RAB3GAP2: variants seen among roughly 807,000 people sequenced by gnomAD.
RAB3GAP2 encodes RAB3 GTPase activating non-catalytic protein subunit 2, also known as rab3 GTPase-activating protein non-catalytic subunit.
RAB3GAP2 carries 87 observed loss-of-function variants against 185.3 expected under a neutral mutation model. That is an observed-to-expected ratio of 0.47 (90% CI 0.39 to 0.56). The LOEUF is 0.56. Among genes scored for constraint, RAB3GAP2 ranks in the 20% least tolerant of loss-of-function variants. RAB3GAP2 has a pLI of 0.00. For synonymous variants in RAB3GAP2, 554 were observed against 576.1 expected, an observed-to-expected ratio of 0.96 and a Z score of 0.55; for missense variants, 1,492 against 1,638.2, an observed-to-expected ratio of 0.91 and a Z score of 1.54.
chr1:220,205,342 TTC>T (rs1658943816), intron 8 of RAB3GAP2, among the ~76,000 whole-genome samples: 1 of 152,190 alleles, frequency 6.6e-6, no homozygotes, highest in Non-Finnish European at 1.5e-5. Context: ...CTTTTCTCCA[TTC>T]TGAGTGTTCT....
intron 1 of RAB3GAP2, among the ~76,000 whole-genome samples, chr1:220,258,225 C>A (rs1388845265): frequency 6.6e-6 from 1 of 151,938 alleles, no homozygotes; most frequent in East Asian, 1.9e-4. Context: ...GGGACTCCTC[C>A]CTCATTCTAT....
intron 1 of RAB3GAP2, among the ~76,000 whole-genome samples, chr1:220,264,496 G>A (rs1477507392): frequency 6.6e-6 from 1 of 151,962 alleles, no homozygotes; most frequent in Non-Finnish European, 1.5e-5. Flanking sequence ...ACTTTCACAG[G>A]TACATGTGGA....
In RAB3GAP2 at chr1:220,210,974, G is replaced by A. The variant is rs1156460753; in HGVS notation, c.415C>T (p.Pro139Ser). The A allele has an allele frequency of 6.2e-7, 1 of 1,613,674 alleles. No individual in the cohort carries two copies. Among genetic ancestry groups the A allele is most frequent in the East Asian group, 2.2e-5 (1 of 44,862 alleles). The change falls in exon 5 of 35, where the codon CCA becomes TCA. Residue 139 changes from proline (P) to serine (S), a missense_variant. Physicochemically the swap from Pro to Ser is moderately conservative, Grantham distance 74. Transcript: ENST00000358951. The part of the protein sequence containing the change: ...GECVTSALCI[P>S]LASQKRSSTG... ...CCTTACCTCTTTTGGCTTGCTAGTG[G>A]GATACATAGAGCACTGGTTACACAT... is the stretch of plus-strand genomic sequence containing the variant.
intron 4 of RAB3GAP2, chr1:220,211,291 A>G (rs1180307827): frequency 3.6e-6 from 2 of 560,178 alleles, no homozygotes; most frequent in Non-Finnish European, 6.8e-6. Context: ...TACTTACACA[A>G]CTGACTGTAT....
intron 4 of RAB3GAP2, among the ~76,000 whole-genome samples, chr1:220,211,981 A>G (rs548006909): frequency 6.6e-6 from 1 of 152,318 alleles, no homozygotes; most frequent in Admixed American, 6.5e-5. Flanking sequence ...TTTTATCTGA[A>G]TTCAAAGTAT....
At chr1:220,174,331 C>T (rs1658246895) in intron 21 of RAB3GAP2, among the ~76,000 whole-genome samples, 1 of 152,094 alleles carries the variant, frequency 6.6e-6, no homozygotes, top group South Asian at 2.1e-4. Context: ...AATTTCCCTT[C>T]CAAGGGCCTC....
Position 220,171,111 on chromosome 1 carries a change from T to C in RAB3GAP2, c.2587A>G (p.Thr863Ala), listed in dbSNP as rs12045447. 59,143 of 1,613,656 alleles carry C rather than the reference T, an allele frequency of 0.037. 1,366 individuals carry two copies. Among genetic ancestry groups the C allele is most frequent in the African/African-American group, 0.082 (6,124 of 74,978 alleles). The change falls in exon 24 of 35, where the codon ACA becomes GCA. Residue 863 changes from threonine to alanine, a missense_variant. Physicochemically the swap from Thr to Ala is moderately conservative, Grantham distance 58 (BLOSUM62 0). Transcript: ENST00000358951. ...GCCTCTGAATCAGCACCCAAAACTG[T>C]TTGGGAAAACTAATAAAAAATGCAC... Reference protein sequence around the residue: ...NNMTEKKFSQTVLGADSEALT... With the variant: ...NNMTEKKFSQAVLGADSEALT...
chr1:220,164,510 C>G (rs1036391977), intron 27 of RAB3GAP2, among the ~76,000 whole-genome samples: 1 of 126,284 alleles, frequency 7.9e-6, no homozygotes. Flanking sequence ...GGGTCTCACT[C>G]TGTCACCCAG....
Position 220,148,506 on chromosome 1 carries a change from T to A in RAB3GAP2, c.*2745A>T, listed in dbSNP as rs1275256794. Reference sequence around the variant, plus strand: ...TCTAGACACCCAGCAAACCCATTCCTATCAGGGTGAGAGAGGGCTTTTGCT... The same window carrying A: ...TCTAGACACCCAGCAAACCCATTCCAATCAGGGTGAGAGAGGGCTTTTGCT... On this transcript the variant is annotated 3_prime_UTR_variant, in exon 35 of 35. Transcript: ENST00000358951. 6.6e-6 allele frequency: 1 copy of A among 152,214 alleles called. No homozygotes were observed. Among genetic ancestry groups the A allele is most frequent in the Non-Finnish European group, 1.5e-5 (1 of 68,016 alleles). 9.4% of individuals were successfully genotyped at this position (152,214 alleles called of 1,614,324 possible). A position where few individuals can be genotyped will look rare whatever the true frequency, so the allele number is the denominator to read the frequency against.
At chr1:220,192,248 T>C (rs1330670112) in intron 13 of RAB3GAP2, among the ~76,000 whole-genome samples, 1 of 152,240 alleles carries the variant, frequency 6.6e-6, no homozygotes, top group South Asian at 2.1e-4. Context: ...TTTCTACAGA[T>C]ACTGAGACAT....
intron 21 of RAB3GAP2, among the ~76,000 whole-genome samples, chr1:220,178,938 A>T (rs562499858): frequency 1.3e-4 from 20 of 152,244 alleles, no homozygotes; most frequent in African/African-American, 3.8e-4. Flanking sequence ...ATAATAATAA[A>T]AAAAAGACAT....
chr1:220,197,341 TTCAG>T (rs144352493), intron 9 of RAB3GAP2, among the ~76,000 whole-genome samples: 19,068 of 152,090 alleles, frequency 0.13, 1,265 homozygotes, highest in Middle Eastern at 0.18. Context: ...ATACATATAT[TTCAG>T]GCCTCCCCTT....
At chr1:220,223,998 C>A (rs562599607) in intron 2 of RAB3GAP2, among the ~76,000 whole-genome samples, 82 of 128,220 alleles carry the variant, frequency 6.4e-4, no homozygotes, top group East Asian at 4.0e-3. Context: ...AAAGCAAGAC[C>A]CTATCTCAAA....
At position 220,193,383 on chromosome 1, in the gene RAB3GAP2, A is replaced by G. The variant is rs752780415; in HGVS notation, c.1131-4T>C. On this transcript the variant is annotated splice_region_variant and splice_polypyrimidine_tract_variant and intron_variant, in intron 12 of 34. Transcript: ENST00000358951. Reference sequence around the variant, plus strand: ...TCTAGAATCTGGAAGTCCAAATCTGATATTTAAAAGAAAATAAAATGCTCA... The same window carrying G: ...TCTAGAATCTGGAAGTCCAAATCTGGTATTTAAAAGAAAATAAAATGCTCA... 4.3e-5 allele frequency: 70 copies of G among 1,613,244 alleles called. No homozygotes were observed. The Middle Eastern group carries it at 2.2e-3, about 50-fold the overall frequency.
At chr1:220,206,104 C>T in intron 7 of RAB3GAP2, 98 bp from the exon 8 acceptor site, 1 of 767,200 alleles carries the variant, frequency 1.3e-6, no homozygotes, top group Admixed American at 2.6e-5. Context: ...CATAACCACC[C>T]AACACCCAAA....
At chr1:220,243,353 CAA>C (rs34046394) in intron 1 of RAB3GAP2, among the ~76,000 whole-genome samples, 1,290 of 107,580 alleles carry the variant, frequency 0.012, 20 homozygotes, top group African/African-American at 0.038. Flanking sequence ...GACTCCATCT[CAA>C]AAAAAAAAAA....
chr1:220,176,560 G>T (rs1475453855), intron 21 of RAB3GAP2, among the ~76,000 whole-genome samples: 1 of 152,176 alleles, frequency 6.6e-6, no homozygotes, highest in South Asian at 2.1e-4. Flanking sequence ...TGGCAGAAAG[G>T]CTAGTCTGCC....
chr1:220,152,442 C>T (rs1052992860), intron 33 of RAB3GAP2, among the ~76,000 whole-genome samples: 1 of 152,214 alleles, frequency 6.6e-6, no homozygotes, highest in African/African-American at 2.4e-5. Context: ...AGGGCCATGG[C>T]CCGGGCCAGC....
intron 20 of RAB3GAP2, 123 bp downstream of exon 20, chr1:220,182,595 T>G: frequency 8.5e-7 from 1 of 1,180,298 alleles, no homozygotes; most frequent in Non-Finnish European, 1.2e-6. Flanking sequence ...AAAAATACAG[T>G]ACATTAAATC....
Sources: gnomAD v4.1 joint callset for allele counts (sites outside exome capture counted in the v4.1 genomes callset) on GRCh38, gnomAD v4.1.1 for gene constraint, MANE v1.5 for transcripts, NCBI Gene and HGNC (gene_info 2026-07-23, HGNC 2026-07-21) for gene names.